The following ZFYVE9 variants were observed in gnomAD, a reference collection of about 807,000 sequenced individuals.
ZFYVE9 encodes the protein zinc finger FYVE-type containing 9.
In ZFYVE9, 43 loss-of-function variants were observed where a neutral mutation model predicts 126.7. That is an observed-to-expected ratio of 0.34 (90% CI 0.27 to 0.44). The LOEUF is 0.44. ZFYVE9 is among the 20% of genes least tolerant of loss of function. The pLI, the probability that ZFYVE9 is intolerant of heterozygous loss-of-function variation, is 1.00. For missense variants in ZFYVE9, 1,476 were observed against 1,697.0 expected, an observed-to-expected ratio of 0.87 and a Z score of 2.29; for synonymous variants, 521 against 597.4, an observed-to-expected ratio of 0.87 and a Z score of 1.87.
At chr1:52,283,903 C>A (rs764155656) in intron 10 of ZFYVE9, among the ~76,000 whole-genome samples, 13 of 152,030 alleles carry the variant, frequency 8.6e-5, no homozygotes, top group Non-Finnish European at 1.8e-4. Context: ...TGCAGGAATC[C>A]AGCAAGAAAT....
At chr1:52,147,466 A>C (rs1293750399) in intron 1 of ZFYVE9, among the ~76,000 whole-genome samples, 1 of 152,180 alleles carries the variant, frequency 6.6e-6, no homozygotes, top group Admixed American at 6.5e-5. Flanking sequence ...GGATTTGCCT[A>C]TCGAGACATT....
intron 1 of ZFYVE9, among the ~76,000 whole-genome samples, chr1:52,146,492 C>A (rs974276812): frequency 6.6e-6 from 1 of 152,074 alleles, no homozygotes. Flanking sequence ...TTTCTTATAA[C>A]CTTGGACAAG....
rs1318916042 is a variant in ZFYVE9, at chr1:52,340,953, T to C, written c.3939+722T>C. Among the ~76,000 whole-genome samples the C allele has an allele frequency of 2.8e-5, 4 of 144,844 alleles. No homozygotes were observed. In the Admixed American group the frequency reaches 2.8e-4, roughly 10 times the overall value. On this transcript the variant is annotated intron_variant, in intron 17 of 18. Transcript: ENST00000287727. ...AAAAAACTAGGCCGGGTGTGGTGGC[T>C]CACGCCTGTAATCCCAGCACTTTGA...
intron 1 of ZFYVE9, among the ~76,000 whole-genome samples, chr1:52,156,308 C>A (rs575565792): frequency 1.3e-5 from 2 of 152,298 alleles, no homozygotes; most frequent in South Asian, 4.2e-4. Context: ...ATGGCTGCTA[C>A]TTGTTTGAGC....
chr1:52,190,096 T>G (rs1644803438), intron 1 of ZFYVE9: 1 of 177,394 alleles, frequency 5.6e-6, no homozygotes, highest in Non-Finnish European at 1.2e-5. Flanking sequence ...GTTCTGTACA[T>G]GACTACAAAA....
intron 8 of ZFYVE9, 59 bp downstream of exon 8, chr1:52,274,643 T>C (rs1645727894): frequency 3.4e-6 from 5 of 1,487,298 alleles, no homozygotes; most frequent in South Asian, 1.4e-5. Context: ...TACCTTCTAA[T>C]TAAGGTAGAG....
chr1:52,328,547 G>GGA (rs1202552398), intron 13 of ZFYVE9, among the ~76,000 whole-genome samples: 1 of 152,180 alleles, frequency 6.6e-6, no homozygotes, highest in Non-Finnish European at 1.5e-5. Context: ...TTACATCCAA[G>GGA]GAAATGATTT....
chr1:52,222,788 G>A (rs568632602), intron 2 of ZFYVE9, among the ~76,000 whole-genome samples: 9 of 152,290 alleles, frequency 5.9e-5, no homozygotes, highest in Middle Eastern at 3.4e-3. Context: ...GCTTTCTTCC[G>A]AAGTGGTGAC....
intron 13 of ZFYVE9, among the ~76,000 whole-genome samples, chr1:52,306,277 G>A (rs896977642): frequency 1.3e-5 from 2 of 152,194 alleles, no homozygotes; most frequent in Admixed American, 6.5e-5. Context: ...GCTGCAGAGA[G>A]GAGCTGCCCA....
chr1:52,284,722 G>T (rs1645841643), intron 10 of ZFYVE9, among the ~76,000 whole-genome samples: 1 of 151,990 alleles, frequency 6.6e-6, no homozygotes, highest in South Asian at 2.1e-4. Context: ...CCCAGCAATG[G>T]TTATTTTTTT....
intron 5 of ZFYVE9, 56 bp downstream of exon 5, chr1:52,263,928 G>A (rs771380846): frequency 2.4e-5 from 29 of 1,217,988 alleles, no homozygotes; most frequent in South Asian, 2.3e-4. Context: ...AGGGAATTAC[G>A]ATGAGAAGAC....
In ZFYVE9 at chr1:52,293,581, C is replaced by T; in HGVS notation, c.3154C>T (p.Pro1052Ser). ...GCAAGACCTAGTACTCCCAACCCCACCTTACTTGTTTGGGATTCTTATCCA... is the reference window on the plus strand; with the variant it reads ...GCAAGACCTAGTACTCCCAACCCCATCTTACTTGTTTGGGATTCTTATCCA... ...SLQDLVLPTP[P>S]YLFGILIQKW... The change falls in exon 11 of 19, where the codon CCT (proline) becomes TCT (serine). Residue 1052 changes from proline (P) to serine (S), a missense_variant. This residue lies in a region of ZFYVE9 where 669 missense variants were observed against 902.4 expected (regional missense o/e 0.74). Coordinates refer to ENST00000287727, the MANE Select transcript of ZFYVE9 (RefSeq NM_004799.4). 6.2e-7 allele frequency: 1 copy of T among 1,614,056 alleles called. No homozygotes were observed. Among genetic ancestry groups the T allele is most frequent in the South Asian group, 1.1e-5 (1 of 91,084 alleles).
At chr1:52,221,099 G>A (rs1645120747) in intron 2 of ZFYVE9, among the ~76,000 whole-genome samples, 1 of 152,208 alleles carries the variant, frequency 6.6e-6, no homozygotes, top group African/African-American at 2.4e-5. Flanking sequence ...CTTGGAGTCA[G>A]TGTAAATAGT....
At chr1:52,278,953 A>T (rs891172455) in intron 9 of ZFYVE9, among the ~76,000 whole-genome samples, 21 of 151,714 alleles carry the variant, frequency 1.4e-4, no homozygotes, top group African/African-American at 4.6e-4. Context: ...GTTAGCCAGG[A>T]TGGTCTTGAT....
At chr1:52,208,193 T>C (rs919864147) in intron 1 of ZFYVE9, among the ~76,000 whole-genome samples, 1 of 152,046 alleles carries the variant, frequency 6.6e-6, no homozygotes, top group African/African-American at 2.4e-5. Context: ...TAATAGAACA[T>C]GAATTCAAGC....
At chr1:52,254,021 CG>C in intron 4 of ZFYVE9, 1 of 762,394 alleles carries the variant, frequency 1.3e-6, no homozygotes. Context: ...CCAACTTGGA[CG>C]TTAATGATAC....
In ZFYVE9 at chr1:52,274,499, G is replaced by T; in HGVS notation, c.2661G>T (p.Gln887His). Reference protein sequence around the residue: ...DICLFSGSITQVGSPVGSAMN... With the variant: ...DICLFSGSITHVGSPVGSAMN... ...GTCTATTCTCTGGGAGTATAACTCA[G>T]GTTGGAAGTCCTGTTGGAAGTGCAA... The change falls in exon 8 of 19, where the codon CAG (glutamine) becomes CAT (histidine). Residue 887 changes from glutamine to histidine, a missense_variant. This residue lies in a region of ZFYVE9 where 669 missense variants were observed against 902.4 expected (regional missense o/e 0.74). Transcript: ENST00000287727. The T allele has an allele frequency of 6.2e-7, 1 of 1,612,180 alleles. No individual in the cohort carries two copies. The highest frequency in any genetic ancestry group is 8.5e-7 in the Non-Finnish European group (1 of 1,178,774).
chr1:52,263,338 TAAGGATAGTAACAAACAGA>T (rs1645599561), intron 4 of ZFYVE9, among the ~76,000 whole-genome samples: 1 of 152,206 alleles, frequency 6.6e-6, no homozygotes, highest in Non-Finnish European at 1.5e-5. Flanking sequence ...ATTCCACATA[TAAGGATAGTAACAAACAGA>T]AGTTAAAACA....
At chr1:52,190,564 T>G (rs1644807355) in intron 1 of ZFYVE9, among the ~76,000 whole-genome samples, 1 of 152,182 alleles carries the variant, frequency 6.6e-6, no homozygotes, top group Admixed American at 6.5e-5. Context: ...ATGGATTAGA[T>G]GCTTAAAAGA....
Sources: allele counts gnomAD v4.1 joint callset (sites outside exome capture counted in the v4.1 genomes callset), GRCh38; gene constraint gnomAD v4.1.1; regional missense constraint gnomAD v4.1.1; transcripts MANE v1.5; gene names NCBI Gene and HGNC (gene_info 2026-07-23, HGNC 2026-07-21).